The following TNR variants were observed in gnomAD, a reference collection of about 807,000 sequenced individuals.
TNR encodes tenascin R, also known as tenascin-R.
Under a neutral mutation model 150.4 loss-of-function variants are expected in TNR, and 45 were observed. The ratio of observed to expected loss-of-function variants is 0.30; its 90% CI spans 0.24 to 0.38. The LOEUF (loss-of-function observed/expected upper bound fraction) is 0.38. Among genes scored for constraint, TNR ranks in the 10% least tolerant of loss-of-function variants. TNR has a pLI of 1.00. For missense variants in TNR, 1,544 were observed against 1,759.1 expected (o/e 0.88, Z 2.19); for synonymous variants, 687 against 678.4 (o/e 1.01, Z -0.20).
At chr1:175,530,696 T>C (rs1251122286) in intron 1 of TNR, among the ~76,000 whole-genome samples, 1 of 151,448 alleles carries the variant, frequency 6.6e-6, no homozygotes, top group Non-Finnish European at 1.5e-5. Flanking sequence ...GATTATACTA[T>C]ACATGTAGAA....
At chr1:175,326,134 C>A (rs1186078597) in intron 21 of TNR, among the ~76,000 whole-genome samples, 1 of 151,980 alleles carries the variant, frequency 6.6e-6, no homozygotes, top group African/African-American at 2.4e-5. Context: ...TTCTGAGGGG[C>A]AAACAGGCTG....
At chr1:175,580,210 T>C (rs1243499426) in intron 1 of TNR, among the ~76,000 whole-genome samples, 1 of 152,186 alleles carries the variant, frequency 6.6e-6, no homozygotes, top group South Asian at 2.1e-4. Flanking sequence ...GTCAGTTAAA[T>C]GTTTTGTGCT....
chr1:175,503,871 C>A (rs111672813), intron 2 of TNR, among the ~76,000 whole-genome samples: 1 of 152,236 alleles, frequency 6.6e-6, no homozygotes, highest in Admixed American at 6.5e-5. Context: ...TAATCTGTTA[C>A]GTGCAGCCTG....
At chr1:175,498,017 G>A (rs988450405) in intron 2 of TNR, among the ~76,000 whole-genome samples, 1 of 152,124 alleles carries the variant, frequency 6.6e-6, no homozygotes, top group Non-Finnish European at 1.5e-5. Context: ...CCGAGATCAT[G>A]CCACTGCCCT....
intron 2 of TNR, among the ~76,000 whole-genome samples, chr1:175,492,360 G>T (rs1291507716): frequency 6.6e-6 from 1 of 152,214 alleles, no homozygotes; most frequent in African/African-American, 2.4e-5. Context: ...TGGCATGCAG[G>T]TGGGTTTTCT....
At chr1:175,724,388 C>T (rs962617818) in intron 1 of TNR, among the ~76,000 whole-genome samples, 1 of 152,186 alleles carries the variant, frequency 6.6e-6, no homozygotes, top group Non-Finnish European at 1.5e-5. Context: ...ACAATCAGAT[C>T]TAGTGAGAAC....
intron 18 of TNR, among the ~76,000 whole-genome samples, chr1:175,353,962 C>A (rs909678444): frequency 1.3e-5 from 2 of 151,936 alleles, no homozygotes; most frequent in African/African-American, 4.8e-5. Flanking sequence ...TCTCTTGCCT[C>A]AGCCTCCTGA....
At chr1:175,375,383 G>C (rs1652325855) in intron 9 of TNR, among the ~76,000 whole-genome samples, 1 of 152,116 alleles carries the variant, frequency 6.6e-6, no homozygotes, top group Admixed American at 6.5e-5. Context: ...CACTAGAGCA[G>C]AGAGAAAAAG....
chr1:175,502,200 A>G (rs1193353665), intron 2 of TNR, among the ~76,000 whole-genome samples: 2 of 152,180 alleles, frequency 1.3e-5, no homozygotes, highest in African/African-American at 4.8e-5. Flanking sequence ...GGTATAGGGT[A>G]TGACCTGAGC....
intron 1 of TNR, among the ~76,000 whole-genome samples, chr1:175,630,242 T>C (rs1402783514): frequency 6.6e-6 from 1 of 152,168 alleles, no homozygotes; most frequent in Non-Finnish European, 1.5e-5. Flanking sequence ...CCATTCTGCT[T>C]TAGAGAGAAG....
intron 1 of TNR, among the ~76,000 whole-genome samples, chr1:175,662,851 T>C (rs1306730941): frequency 1.3e-5 from 2 of 152,186 alleles, no homozygotes; most frequent in Non-Finnish European, 2.9e-5. Flanking sequence ...GTGGAGGTCA[T>C]GTCTACAGAG....
intron 1 of TNR, among the ~76,000 whole-genome samples, chr1:175,621,757 A>T (rs2101865154): frequency 6.6e-6 from 1 of 152,156 alleles, no homozygotes; most frequent in South Asian, 2.1e-4. Flanking sequence ...CATCCATCTT[A>T]TACCTTCTCT....
At chr1:175,426,366 A>T (rs1384731562) in intron 2 of TNR, among the ~76,000 whole-genome samples, 1 of 152,192 alleles carries the variant, frequency 6.6e-6, no homozygotes, top group Admixed American at 6.5e-5. Flanking sequence ...CCGGGGCTGC[A>T]GTAGTCCACT....
At chr1:175,486,122 T>C (rs1268185263) in intron 2 of TNR, among the ~76,000 whole-genome samples, 1 of 46,510 alleles carries the variant, frequency 2.2e-5, no homozygotes. Context: ...CATTAGGTTC[T>C]TTTTTTTTTT....
At chr1:175,563,046 AG>A (rs2102211989) in intron 1 of TNR, among the ~76,000 whole-genome samples, 1 of 152,356 alleles carries the variant, frequency 6.6e-6, no homozygotes, top group South Asian at 2.1e-4. Flanking sequence ...CAGCCAAGCA[AG>A]GCAATGTATT....
rs80214560 is a variant in TNR at position 175,640,368 on chromosome 1, G to A, written c.-165+102858C>T. On this transcript the variant is annotated intron_variant, in intron 1 of 22. Coordinates refer to ENST00000367674, the MANE Select transcript of TNR (RefSeq NM_003285.3). ...CAATGAGCTCCTCAAGTATTTGGAC[G>A]TCTGTCTGGGAGGGAGAATTTAAAG... is the stretch of plus-strand genomic sequence containing the variant. Among the ~76,000 whole-genome samples, 88 of 152,268 alleles carry A rather than the reference G, an allele frequency of 5.8e-4. No homozygotes were observed. In the East Asian group the frequency reaches 0.012, roughly 21 times the overall value.
At chr1:175,696,879 CAAAAA>C (rs66502339) in intron 1 of TNR, among the ~76,000 whole-genome samples, 3 of 110,614 alleles carry the variant, frequency 2.7e-5, no homozygotes, top group Admixed American at 1.8e-4. Context: ...AACTCCATCT[CAAAAA>C]AAAAAAAAAA....
intron 1 of TNR, among the ~76,000 whole-genome samples, chr1:175,625,236 A>G (rs903935584): frequency 1.3e-5 from 2 of 152,190 alleles, no homozygotes; most frequent in African/African-American, 4.8e-5. Context: ...ACTGTGAAAA[A>G]CAACAGTGTG....
chr1:175,428,411 T>C (rs1655109733), intron 2 of TNR, among the ~76,000 whole-genome samples: 1 of 152,162 alleles, frequency 6.6e-6, no homozygotes, highest in East Asian at 1.9e-4. Context: ...TCCTGCTAAG[T>C]TTATTATTGT....
Sources: allele counts gnomAD v4.1 joint callset (sites outside exome capture counted in the v4.1 genomes callset), GRCh38; gene constraint gnomAD v4.1.1; transcripts MANE v1.5; gene names NCBI Gene and HGNC (gene_info 2026-07-23, HGNC 2026-07-21).